Variants in CYP4F2 observed in about 807,000 individuals in gnomAD.
CYP4F2 encodes cytochrome P450 4F2.
In CYP4F2, 58 loss-of-function variants were observed where a neutral mutation model predicts 58.9. The ratio of observed to expected loss-of-function variants is 0.98; its 90% CI spans 0.80 to 1.23. The LOEUF (loss-of-function observed/expected upper bound fraction) is 1.23. Among genes scored for constraint, CYP4F2 ranks in the 50% most tolerant of loss-of-function variants. The pLI, the probability that CYP4F2 is intolerant of heterozygous loss-of-function variation, is 0.00. For synonymous variants in CYP4F2, 287 were observed against 261.1 expected (o/e 1.10, Z -0.95); for missense variants, 616 against 685.6 (o/e 0.90, Z 1.13).
chr19:15,892,998 C>T (rs1312805648), intron 3 of CYP4F2, among the ~76,000 whole-genome samples: 1 of 152,162 alleles, frequency 6.6e-6, no homozygotes, highest in Non-Finnish European at 1.5e-5. Context: ...TGAGACATGA[C>T]CCTGACATGT....
At chr19:15,884,522 C>T (rs1015780197) in intron 9 of CYP4F2, among the ~76,000 whole-genome samples, 1 of 152,092 alleles carries the variant, frequency 6.6e-6, no homozygotes, top group African/African-American at 2.4e-5. Flanking sequence ...ATATTTCAGG[C>T]GACAGATATC....
intron 3 of CYP4F2, among the ~76,000 whole-genome samples, chr19:15,893,191 G>A (rs1167234737): frequency 6.6e-6 from 1 of 152,130 alleles, no homozygotes; most frequent in Non-Finnish European, 1.5e-5. Flanking sequence ...GAACCAGACT[G>A]TTCCTCAGGC....
intron 11 of CYP4F2, 87 bp from the exon 12 acceptor site, chr19:15,879,515 G>C (rs1460591525): frequency 1.2e-6 from 2 of 1,607,128 alleles, no homozygotes; most frequent in Non-Finnish European, 1.7e-6. Context: ...TGTCTTTGAG[G>C]GAGGTGATGT....
At chr19:15,890,165 G>A in intron 6 of CYP4F2, 147 bp downstream of exon 6, 1 of 1,378,222 alleles carries the variant, frequency 7.3e-7, no homozygotes, top group Non-Finnish European at 9.9e-7. Flanking sequence ...GAAACCTCAA[G>A]ATAAAGTTCA....
intron 2 of CYP4F2, among the ~76,000 whole-genome samples, chr19:15,896,710 G>A (rs892904240): frequency 6.6e-6 from 1 of 152,220 alleles, no homozygotes; most frequent in East Asian, 1.9e-4. Flanking sequence ...AGCAGGCTCT[G>A]TGCTAGTGTG....
At chr19:15,886,150 A>G (rs2145005503) in intron 8 of CYP4F2, 92 bp downstream of exon 8, 6 of 1,606,582 alleles carry the variant, frequency 3.7e-6, no homozygotes, top group Non-Finnish European at 1.7e-6. Context: ...GGATGGGGGA[A>G]GGGGGATGGG....
At chr19:15,884,022 G>A (rs908198454) in intron 9 of CYP4F2, among the ~76,000 whole-genome samples, 1 of 151,934 alleles carries the variant, frequency 6.6e-6, no homozygotes, top group Admixed American at 6.6e-5. Context: ...TCGTGCCACC[G>A]CACTTCAGCC....
chr19:15,885,607 C>A (rs937474450), intron 9 of CYP4F2, among the ~76,000 whole-genome samples: 24 of 151,576 alleles, frequency 1.6e-4, no homozygotes, highest in East Asian at 1.5e-3. Context: ...TGAAGATGTT[C>A]AAAAAAAATG....
intron 9 of CYP4F2, among the ~76,000 whole-genome samples, chr19:15,882,430 T>C (rs1416362877): frequency 6.6e-6 from 1 of 152,190 alleles, no homozygotes; most frequent in Admixed American, 6.5e-5. Context: ...GTGAACAATG[T>C]ATTAATTGAA....
At chr19:15,896,543 T>C (rs1057010621) in intron 2 of CYP4F2, among the ~76,000 whole-genome samples, 1 of 152,304 alleles carries the variant, frequency 6.6e-6, no homozygotes, top group Non-Finnish European at 1.5e-5. Context: ...GGTCCCCACA[T>C]GCCTTCATGT....
rs770503691 is a variant in CYP4F2, at chr19:15,892,294, C to T, written c.525+15G>A. 1.2e-6 allele frequency: 2 copies of T among 1,614,110 alleles called. No individual in the cohort carries two copies. The highest frequency in any genetic ancestry group is 1.7e-6 in the Non-Finnish European group (2 of 1,179,974). On this transcript the variant is annotated intron_variant, in intron 5 of 12. Transcript: ENST00000221700. ...CCCAAGGCTGCAAGTGGGACCTTGG[C>T]TTCAAATAACTCACGTGCATGATGT...
At position 15,886,332 on chromosome 19, in the gene CYP4F2, C is replaced by A. The variant is rs145668006; in HGVS notation, c.919-24G>T. 1,345 of 1,602,644 alleles carry A rather than the reference C, an allele frequency of 8.4e-4. 15 individuals are homozygous for A. In the African/African-American group the frequency reaches 0.016, roughly 19 times the overall value. On this transcript the variant is annotated intron_variant, in intron 7 of 12. Coordinates refer to ENST00000221700, the MANE Select transcript of CYP4F2 (RefSeq NM_001082.5). ...TCCTGGAGAGAAGGCAGTAACCCCC[C>A]CCAACCCCCACCCCCATAAAAAGTC...
chr19:15,879,057 G>A (rs2089325457), intron 12 of CYP4F2, 121 bp from the exon 13 acceptor site: 5 of 1,457,188 alleles, frequency 3.4e-6, no homozygotes, highest in Non-Finnish European at 4.6e-6. Context: ...TAGAGAAGGG[G>A]GTATCCGTGC....
At chr19:15,896,069 T>TCCATCC (rs1568474499) in intron 2 of CYP4F2, among the ~76,000 whole-genome samples, 2,018 of 142,376 alleles carry the variant, frequency 0.014, 33 homozygotes, top group African/African-American at 0.051. Context: ...TCTATCTATC[T>TCCATCC]ATCCATCCAT....
chr19:15,889,680 A>G lies in CYP4F2; in HGVS notation c.661T>C (p.Tyr221His). 1 of 1,613,754 alleles carries G rather than the reference A, an allele frequency of 6.2e-7. No homozygotes were observed. Among genetic ancestry groups the G allele is most frequent in the Non-Finnish European group, 8.5e-7 (1 of 1,179,672 alleles). Residue 221 changes from tyrosine to histidine, a missense_variant, in exon 7 of 13, where the codon TAT becomes CAT. Coordinates refer to ENST00000221700, the MANE Select transcript of CYP4F2 (RefSeq NM_001082.5). ...DSHCQEKPSE[Y>H]IAAILELSAL... ...CTGAGCTCCAAGATGGCGGCAATAT[A>G]TTCACTGGGTTTCCTGCAGGATAAG...
chr19:15,886,177 A>T, intron 8 of CYP4F2, 65 bp downstream of exon 8: 4 of 1,611,394 alleles, frequency 2.5e-6, no homozygotes, highest in Non-Finnish European at 3.4e-6. Context: ...GTGGGGGTCT[A>T]CCCACCCTGT....
At position 15,885,931 on chromosome 19, in the gene CYP4F2, T is replaced by A; in HGVS notation, c.1108A>T (p.Ile370Phe). 1.2e-6 allele frequency: 2 copies of A among 1,613,470 alleles called. No individual in the cohort carries two copies. The highest frequency in any genetic ancestry group is 1.7e-6 in the Non-Finnish European group (2 of 1,179,644). ...ELLKDREPKE[I>F]EWDDLAHLPF... ...ACAAGCACCTGCACTCACCATTCAA[T>A]CTCTTTAGGCTCACGGTCCTTCAGA... The change falls in exon 9 of 13, where the codon ATT becomes TTT. Residue 370 changes from isoleucine to phenylalanine, a missense_variant. Physicochemically the swap from Ile to Phe is conservative, Grantham distance 21. Transcript: ENST00000221700.
chr19:15,897,782 A>G, intron 1 of CYP4F2, 170 bp from the exon 2 acceptor site: 1 of 731,056 alleles, frequency 1.4e-6, no homozygotes, highest in South Asian at 1.8e-5. Flanking sequence ...CCCAACCAAA[A>G]CCAGCAGCCA....
chr19:15,897,276 G>A (rs967723578), intron 2 of CYP4F2, 138 bp downstream of exon 2: 5 of 908,900 alleles, frequency 5.5e-6, no homozygotes, highest in South Asian at 3.2e-5. Flanking sequence ...AATAAGCAGA[G>A]GAATGAGTAA....
Sources: gnomAD v4.1 joint callset for allele counts (sites outside exome capture counted in the v4.1 genomes callset) on GRCh38, gnomAD v4.1.1 for gene constraint, MANE v1.5 for transcripts, NCBI Gene and HGNC (gene_info 2026-07-23, HGNC 2026-07-21) for gene names.